Variants in OBP2B observed in about 807,000 individuals in gnomAD.
The protein encoded by OBP2B is odorant binding protein 2B, also known as odorant-binding protein 2b.
OBP2B carries 10 observed loss-of-function variants against 21.7 expected under a neutral mutation model. That is an observed-to-expected ratio of 0.46 (90% CI 0.28 to 0.78). OBP2B has a LOEUF of 0.78. Among genes scored for constraint, OBP2B ranks in the 30% least tolerant of loss-of-function variants. The probability of loss-of-function intolerance (pLI) is 0.11; values close to 1 mark genes in which losing one functional copy is unlikely to be tolerated. For missense variants in OBP2B, 153 were observed against 217.7 expected, an observed-to-expected ratio of 0.70 and a Z score of 1.87; for synonymous variants, 73 against 91.5, an observed-to-expected ratio of 0.80 and a Z score of 1.16.
chr9:133,214,522 T>A, the OBP2B span, among the ~76,000 whole-genome samples: 1 of 152,150 alleles, frequency 6.6e-6, no homozygotes. Flanking sequence ...TTATCATGAG[T>A]CATTAATCGT....
intron 6 of OBP2B, 58 bp downstream of exon 6, chr9:133,205,859 G>A (rs1361507228): frequency 1.2e-5 from 20 of 1,613,180 alleles, no homozygotes; most frequent in African/African-American, 2.7e-5. Context: ...ATGTACCCTC[G>A]AACCCCGGGA....
chr9:133,217,012 T>G, the OBP2B span, among the ~76,000 whole-genome samples: 1 of 151,200 alleles, frequency 6.6e-6, no homozygotes, highest in Admixed American at 6.6e-5. Context: ...ACTCAGCAAC[T>G]CCACTCAGAA....
At chr9:133,206,451 G>A in intron 4 of OBP2B, 35 bp from the exon 5 acceptor site, 1 of 1,610,250 alleles carries the variant, frequency 6.2e-7, no homozygotes, top group Admixed American at 1.7e-5. Context: ...CCGACGTGGG[G>A]ACAGCGGCAC....
the OBP2B span, among the ~76,000 whole-genome samples, chr9:133,215,477 A>G: frequency 6.6e-6 from 1 of 152,138 alleles, no homozygotes; most frequent in Non-Finnish European, 1.5e-5. Context: ...TTTTTTTAAG[A>G]ATAAAGTGGG....
chr9:133,210,702 G>A (rs564142375), upstream of OBP2B, among the ~76,000 whole-genome samples: 306 of 152,270 alleles, frequency 2.0e-3, 2 homozygotes, highest in African/African-American at 6.9e-3. Context: ...CAGAGAACAG[G>A]GCTCTCCCAT....
chr9:133,205,660 C>T (rs1833679531), intron 6 of OBP2B: 3 of 615,388 alleles, frequency 4.9e-6, no homozygotes, highest in Non-Finnish European at 8.7e-6. Flanking sequence ...CCTGAGGGAG[C>T]CGGAGGGAGG....
the OBP2B span, among the ~76,000 whole-genome samples, chr9:133,218,802 G>A: frequency 7.2e-5 from 11 of 152,226 alleles, no homozygotes; most frequent in Non-Finnish European, 8.8e-5. Flanking sequence ...CATCGCAGAC[G>A]ACTAGAATGT....
the OBP2B span, among the ~76,000 whole-genome samples, chr9:133,215,386 A>G: frequency 6.6e-6 from 1 of 152,252 alleles, no homozygotes; most frequent in Non-Finnish European, 1.5e-5. Context: ...TCAAAATTCC[A>G]GAAGGAATTT....
intron 1 of OBP2B, among the ~76,000 whole-genome samples, 186 bp downstream of exon 1, chr9:133,208,942 G>A (rs566728228): frequency 4.3e-4 from 66 of 152,104 alleles, no homozygotes; most frequent in Non-Finnish European, 7.8e-4. Context: ...AGCCTGCTCC[G>A]GCCCTGGGCC....
the OBP2B span, among the ~76,000 whole-genome samples, chr9:133,214,474 G>A: frequency 6.6e-6 from 1 of 152,244 alleles, no homozygotes; most frequent in African/African-American, 2.4e-5. Context: ...ATGTGGGAAT[G>A]GTGCAGGAGG....
the OBP2B span, among the ~76,000 whole-genome samples, chr9:133,218,924 A>G: frequency 6.6e-6 from 1 of 152,230 alleles, no homozygotes; most frequent in African/African-American, 2.4e-5. Context: ...CAGAGGGTGG[A>G]ACTCCACAGG....
Position 133,208,454 on chromosome 9 carries a change from G to T in OBP2B, c.206+15C>A. ...CGAAAGTGGCCTGAGGGGCCCTGCA[G>T]TGGGCAACACTCACATGAAGGTGAA... On this transcript the variant is annotated intron_variant, in intron 2 of 6. Coordinates refer to ENST00000372034, the MANE Select transcript of OBP2B (RefSeq NM_014581.4). 1 of 1,612,252 alleles carries T rather than the reference G, an allele frequency of 6.2e-7. No homozygotes were observed. The highest frequency in any genetic ancestry group is 8.5e-7 in the Non-Finnish European group (1 of 1,178,790).
chr9:133,216,992 A>G, the OBP2B span, among the ~76,000 whole-genome samples: 1 of 152,086 alleles, frequency 6.6e-6, no homozygotes, highest in Non-Finnish European at 1.5e-5. Context: ...AAAAAAACCT[A>G]GAGCCAAAGA....
At chr9:133,218,188 G>A in the OBP2B span, among the ~76,000 whole-genome samples, 1 of 152,218 alleles carries the variant, frequency 6.6e-6, no homozygotes, top group Non-Finnish European at 1.5e-5. Flanking sequence ...GAGGAGTCCA[G>A]GTGGCAGGAG....
chr9:133,214,160 G>A (rs1418174870), upstream of OBP2B, among the ~76,000 whole-genome samples: 2 of 152,088 alleles, frequency 1.3e-5, no homozygotes, highest in South Asian at 2.1e-4. Flanking sequence ...AATTCATCAC[G>A]CATTCAGGAA....
rs1184365978 is a variant in OBP2B at position 133,208,507 on chromosome 9, G to T, written c.168C>A (p.Ala56=). The change falls in exon 2 of 7, where the codon GCC becomes GCA. Residue 56 remains alanine (A), a synonymous_variant. Coordinates refer to ENST00000372034, the MANE Select transcript of OBP2B (RefSeq NM_014581.4). Reference sequence around the variant, plus strand: ...TGGCTTCCAACTTCCCACCGCCCAGGGCTGTCACCTTCACTGGGGACACCT... The same window carrying T: ...TGGCTTCCAACTTCCCACCGCCCAGTGCTGTCACCTTCACTGGGGACACCT... ...PRKVSPVKVT[A]LGGGKLEATF... is the part of the protein sequence containing the mutation. The T allele has an allele frequency of 1.2e-6, 2 of 1,613,884 alleles. No individual in the cohort carries two copies. Among genetic ancestry groups the T allele is most frequent in the African/African-American group, 2.7e-5 (2 of 75,022 alleles).
chr9:133,218,601 G>C, the OBP2B span, among the ~76,000 whole-genome samples: 2 of 152,204 alleles, frequency 1.3e-5, no homozygotes, highest in Non-Finnish European at 1.5e-5. Flanking sequence ...CTGGCCCCCA[G>C]GTGCAAAACG....
At chr9:133,211,959 C>T (rs1833921079), upstream of OBP2B, among the ~76,000 whole-genome samples, 1 of 152,138 alleles carries the variant, frequency 6.6e-6, no homozygotes, top group Admixed American at 6.5e-5. Flanking sequence ...CTACAAGAAA[C>T]TTACTTCAAA....
chr9:133,209,514 C>T (rs1247955671), upstream of OBP2B, among the ~76,000 whole-genome samples: 1 of 152,182 alleles, frequency 6.6e-6, no homozygotes, highest in Non-Finnish European at 1.5e-5. The surrounding 1 kb of genome is among the most constrained non-coding windows in gnomAD (Gnocchi z 6.0). Context: ...AGGGTGGTGT[C>T]CATCTGCACC....
Sources: gnomAD v4.1 joint callset for allele counts (sites outside exome capture counted in the v4.1 genomes callset) on GRCh38, gnomAD v4.1.1 for gene constraint, Gnocchi (gnomAD v3.1) non-coding constraint, MANE v1.5 for transcripts, NCBI Gene and HGNC (gene_info 2026-07-23, HGNC 2026-07-21) for gene names.